STAG2: variants seen among roughly 807,000 people sequenced by gnomAD.
STAG2 encodes cohesin subunit SA-2.
In STAG2, 14 loss-of-function variants were observed where a neutral mutation model predicts 108.1. The ratio of observed to expected loss-of-function variants is 0.13; its 90% confidence interval spans 0.09 to 0.20. The LOEUF is 0.20. Ranked by LOEUF, STAG2 falls within the 10% of genes least tolerant of loss-of-function variation. The pLI, the probability that STAG2 is intolerant of heterozygous loss-of-function variation, is 1.00. For synonymous variants in STAG2, 307 were observed against 302.7 expected (o/e 1.01, Z -0.15); for missense variants, 440 against 940.9 (o/e 0.47, Z 6.96).
chrX:123,978,005 G>A (rs192800420), intron 1 of STAG2, among the ~76,000 whole-genome samples: 1 of 108,072 alleles, frequency 9.3e-6, no homozygotes, highest in Non-Finnish European at 1.9e-5. Flanking sequence ...ACCAAGCCCA[G>A]CTTATTTTCA....
At chrX:123,973,795 G>C (rs896007769) in intron 1 of STAG2, among the ~76,000 whole-genome samples, 8 of 106,749 alleles carry the variant, frequency 7.5e-5, no homozygotes, top group Non-Finnish European at 1.2e-4. Flanking sequence ...AGTGAGCTGA[G>C]ATCACGCCAT....
At chrX:124,053,084 T>C (rs1299312370) in intron 13 of STAG2, among the ~76,000 whole-genome samples, 2 of 111,996 alleles carry the variant, frequency 1.8e-5, no homozygotes, top group African/African-American at 3.2e-5. Context: ...CCCAAAGTGC[T>C]GGGATTACAG....
At chrX:124,088,205 A>G (rs1258859880) in intron 30 of STAG2, among the ~76,000 whole-genome samples, 3 of 111,032 alleles carry the variant, frequency 2.7e-5, no homozygotes, top group African/African-American at 9.8e-5. Context: ...CCTCATGGAA[A>G]CACATGAATG....
chrX:124,022,021 T>C (rs923638239), intron 2 of STAG2, among the ~76,000 whole-genome samples: 9 of 111,154 alleles, frequency 8.1e-5, no homozygotes, highest in Non-Finnish European at 1.7e-4. Flanking sequence ...AGCTTCTTTT[T>C]CCCCTATGTG....
intron 15 of STAG2, among the ~76,000 whole-genome samples, chrX:124,060,425 T>A (rs1413176562): frequency 8.9e-6 from 1 of 112,077 alleles, no homozygotes; most frequent in Non-Finnish European, 1.9e-5. Context: ...CATGCCCAGC[T>A]AACAGTAGGG....
intron 1 of STAG2, among the ~76,000 whole-genome samples, chrX:123,987,134 A>T (rs1260899073): frequency 9.1e-6 from 1 of 110,284 alleles, no homozygotes; most frequent in African/African-American, 3.3e-5. Flanking sequence ...CTGGGATTAC[A>T]GGTGTGCGCC....
rs1241113428 is a variant in STAG2 at position 124,056,214 on chromosome X, C to G, written c.1283C>G (p.Ala428Gly). The change falls in exon 14 of 35, where the codon GCT becomes GGT. Residue 428 changes from alanine (A) to glycine (G), a missense_variant. Around this residue, in one of 3 missense-constraint regions of STAG2, gnomAD observed 337 missense variants for 649.3 expected, o/e 0.52. Coordinates refer to ENST00000371145, the MANE Select transcript of STAG2 (RefSeq NM_001042750.2). Reference protein sequence around the residue: ...YSAHRPVAVAAGEFLYKKLFS... With the variant: ...YSAHRPVAVAGGEFLYKKLFS... The stretch of plus-strand genomic sequence containing the variant: ...GCTCACCGGCCAGTAGCAGTAGCAG[C>G]TGGAGAATTTCTCTACAAAAAGTAA... The G allele has an allele frequency of 8.3e-7, 1 of 1,203,920 alleles. No individual in the cohort carries two copies. Among genetic ancestry groups the G allele is most frequent in the Admixed American group, 2.2e-5 (1 of 45,834 alleles).
At chrX:124,004,426 A>G (rs2056194803) in intron 1 of STAG2, among the ~76,000 whole-genome samples, 1 of 112,043 alleles carries the variant, frequency 8.9e-6, no homozygotes, top group African/African-American at 3.2e-5. Context: ...CCTCACATAT[A>G]TATTCCTATT....
intron 32 of STAG2, among the ~76,000 whole-genome samples, chrX:124,092,846 TG>T (rs1226181355): frequency 8.9e-6 from 1 of 112,358 alleles, no homozygotes; most frequent in Non-Finnish European, 1.9e-5. Flanking sequence ...CCTTCACGGT[TG>T]CCTCTACAAA....
At chrX:123,985,077 A>C (rs1463671688) in intron 1 of STAG2, among the ~76,000 whole-genome samples, 2 of 112,244 alleles carry the variant, frequency 1.8e-5, no homozygotes. Context: ...GAGGCTTGTC[A>C]GTATTACTGT....
intron 29 of STAG2, among the ~76,000 whole-genome samples, chrX:124,085,707 G>A (rs1160710370): frequency 2.9e-5 from 3 of 102,345 alleles, no homozygotes; most frequent in African/African-American, 7.2e-5. Flanking sequence ...CCTGGGAGAC[G>A]GAGTTGCAGT....
At position 124,050,374 on chromosome X, in the gene STAG2, A is replaced by G. The variant is rs772862513; in HGVS notation, c.1017+65A>G. On this transcript the variant is annotated intron_variant, in intron 11 of 34. Coordinates refer to ENST00000371145, the MANE Select transcript of STAG2 (RefSeq NM_001042750.2). Reference sequence around the variant, plus strand: ...GCGTGGCTGTCTGCACCTCTCATTCATGAGTTATCTCCCAGTATGTATACC... The same window carrying G: ...GCGTGGCTGTCTGCACCTCTCATTCGTGAGTTATCTCCCAGTATGTATACC... The G allele has an allele frequency of 2.7e-6, 3 of 1,097,130 alleles. No homozygotes were observed. The African/African-American group carries it at 5.5e-5, about 20-fold the overall frequency. The allele number at this position is 1,097,130 out of a possible 1,213,427, so 90.4% of individuals were successfully genotyped here. A position where few individuals can be genotyped will look rare whatever the true frequency, so the allele number is the denominator to read the frequency against.
chrX:124,093,009 G>A (rs1003000365), intron 32 of STAG2, among the ~76,000 whole-genome samples: 1 of 111,447 alleles, frequency 9.0e-6, no homozygotes, highest in African/African-American at 3.3e-5. Context: ...TAAGCATTCG[G>A]TAAATAATTG....
chrX:124,043,739 TAAG>T (rs1441835113), intron 7 of STAG2, among the ~76,000 whole-genome samples: 1 of 111,649 alleles, frequency 9.0e-6, no homozygotes, highest in Non-Finnish European at 1.9e-5. Context: ...TAAAAACTCT[TAAG>T]AACAACAAAG....
At chrX:124,065,759 C>T in intron 20 of STAG2, 117 bp from the exon 21 acceptor site, 1 of 478,100 alleles carries the variant, frequency 2.1e-6, no homozygotes. Context: ...TATTGAATGA[C>T]AAAGTTCATT....
At chrX:124,034,649 A>T (rs7049819) in intron 5 of STAG2, among the ~76,000 whole-genome samples, 1 of 110,465 alleles carries the variant, frequency 9.1e-6, no homozygotes, top group South Asian at 3.9e-4. Context: ...CTTGCATATC[A>T]AATAGGACTG....
intron 1 of STAG2, among the ~76,000 whole-genome samples, chrX:124,001,966 G>C (rs945103821): frequency 1.8e-5 from 2 of 112,275 alleles, no homozygotes; most frequent in Non-Finnish European, 3.8e-5. Context: ...GCTCACACCT[G>C]TAATCTCAGC....
At chrX:124,056,334 T>G in intron 14 of STAG2, 99 bp downstream of exon 14, 1 of 421,139 alleles carries the variant, frequency 2.4e-6, no homozygotes, top group Non-Finnish European at 3.6e-6. Context: ...ATATAACTTA[T>G]TTTAAAAATT....
At chrX:123,988,059 C>T (rs1395562086) in intron 1 of STAG2, among the ~76,000 whole-genome samples, 1 of 111,306 alleles carries the variant, frequency 9.0e-6, no homozygotes, top group Non-Finnish European at 1.9e-5. Flanking sequence ...TATTATAATG[C>T]TATGTGATTG....
Sources: allele counts gnomAD v4.1 joint callset (sites outside exome capture counted in the v4.1 genomes callset), GRCh38; gene constraint gnomAD v4.1.1; regional missense constraint gnomAD v4.1.1; transcripts MANE v1.5; gene names NCBI Gene and HGNC (gene_info 2026-07-23, HGNC 2026-07-21).